FAM107B: variants seen among roughly 807,000 people sequenced by gnomAD.
FAM107B encodes family with sequence similarity 107 member B.
In FAM107B, 21 loss-of-function variants were observed where a neutral mutation model predicts 31.5. The observed-to-expected ratio is 0.67, with a 90% confidence interval of 0.47 to 0.96. The LOEUF (loss-of-function observed/expected upper bound fraction) is 0.96, where lower values mean the gene tolerates loss of function less well. Among genes scored for constraint, FAM107B ranks in the 40% least tolerant of loss-of-function variants. The probability of loss-of-function intolerance (pLI) is 0.00; values close to 1 mark genes in which losing one functional copy is unlikely to be tolerated. For synonymous variants in FAM107B, 157 were observed against 141.5 expected, an observed-to-expected ratio of 1.11 and a Z score of -0.78; for missense variants, 452 against 377.1, an observed-to-expected ratio of 1.20 and a Z score of -1.64.
At chr10:14,710,632 G>A (rs929283845) in intron 1 of FAM107B, among the ~76,000 whole-genome samples, 3 of 152,132 alleles carry the variant, frequency 2.0e-5, no homozygotes, top group Non-Finnish European at 4.4e-5. Flanking sequence ...ATTGCCTGGT[G>A]ACATCCTGAT....
chr10:14,667,255 C>G (rs1201696649), intron 2 of FAM107B, among the ~76,000 whole-genome samples: 6 of 152,046 alleles, frequency 3.9e-5, no homozygotes, highest in Non-Finnish European at 1.5e-5. Flanking sequence ...TAAAAAAAAC[C>G]CCAGCAAACT....
intron 1 of FAM107B, among the ~76,000 whole-genome samples, chr10:14,765,628 TC>T (rs1693049888): frequency 6.6e-6 from 1 of 152,202 alleles, no homozygotes; most frequent in Non-Finnish European, 1.5e-5. Context: ...GGAGGGACAG[TC>T]AGTAATTTTG....
intron 2 of FAM107B, among the ~76,000 whole-genome samples, chr10:14,539,806 T>G (rs1173574006): frequency 6.6e-6 from 1 of 152,134 alleles, no homozygotes; most frequent in African/African-American, 2.4e-5. Context: ...TTTCACCCAG[T>G]TGAAAGTCCT....
chr10:14,649,681 C>T (rs780977412), intron 2 of FAM107B, among the ~76,000 whole-genome samples: 5 of 152,172 alleles, frequency 3.3e-5, no homozygotes, highest in Non-Finnish European at 7.3e-5. Context: ...AACCAATGTA[C>T]ATCTTACCTG....
chr10:14,616,286 T>A (rs1852847945), intron 2 of FAM107B, among the ~76,000 whole-genome samples: 1 of 152,130 alleles, frequency 6.6e-6, no homozygotes, highest in Admixed American at 6.6e-5. Context: ...TGATTAGCAG[T>A]TCTATGGAGC....
At chr10:14,605,682 T>C (rs1852570345) in intron 2 of FAM107B, among the ~76,000 whole-genome samples, 1 of 152,174 alleles carries the variant, frequency 6.6e-6, no homozygotes, top group East Asian at 1.9e-4. Context: ...TTAAAGAAAC[T>C]CCTTCCCAGC....
chr10:14,689,980 A>C (rs1855089073), intron 1 of FAM107B, among the ~76,000 whole-genome samples: 1 of 147,392 alleles, frequency 6.8e-6, no homozygotes, highest in African/African-American at 2.5e-5. Flanking sequence ...AGAAAGAAAA[A>C]AAGAAGAAAG....
rs1241103048 is a variant in FAM107B at position 14,519,822 on chromosome 10, G to A, written c.*1368C>T. ...AATGACTGGCTGAACTGTCTCTACG[G>A]AGCATACTAAATCCTCAACAATTCT... On this transcript the variant is annotated 3_prime_UTR_variant, in exon 5 of 5. Coordinates refer to ENST00000181796, the MANE Select transcript of FAM107B (RefSeq NM_031453.4). The A allele has an allele frequency of 1.3e-5, 2 of 152,320 alleles. No homozygotes were observed. The highest frequency in any genetic ancestry group is 3.8e-4 in the East Asian group (2 of 5,200). 9.4% of individuals were successfully genotyped at this position (152,320 alleles called of 1,614,324 possible).
chr10:14,659,377 G>A (rs1260367818), intron 2 of FAM107B, among the ~76,000 whole-genome samples: 2 of 152,128 alleles, frequency 1.3e-5, no homozygotes, highest in African/African-American at 4.8e-5. Context: ...GGGGGCAGAG[G>A]TTGCAGTGAG....
intron 1 of FAM107B, among the ~76,000 whole-genome samples, chr10:14,683,940 G>A (rs897001030): frequency 3.9e-5 from 6 of 152,160 alleles, no homozygotes; most frequent in Admixed American, 2.6e-4. Context: ...AGAGAGAAGC[G>A]TGTCTTAGGC....
intron 1 of FAM107B, among the ~76,000 whole-genome samples, chr10:14,686,392 C>CAAAA (rs61066393): frequency 1.3e-4 from 16 of 125,762 alleles, no homozygotes; most frequent in African/African-American, 4.2e-4. Flanking sequence ...CTGCATGTCT[C>CAAAA]AAAAAAAAAA....
intron 1 of FAM107B, among the ~76,000 whole-genome samples, chr10:14,760,598 C>T (rs963355813): frequency 1.1e-4 from 17 of 149,704 alleles, no homozygotes; most frequent in African/African-American, 1.8e-4. Flanking sequence ...AAGAGATGTA[C>T]GTTTTTTCAC....
At chr10:14,527,586 T>C (rs1165892119) in intron 3 of FAM107B, among the ~76,000 whole-genome samples, 2 of 152,250 alleles carry the variant, frequency 1.3e-5, no homozygotes, top group Non-Finnish European at 2.9e-5. Flanking sequence ...CTTGAGATGA[T>C]TCCTTAAACC....
chr10:14,682,761 G>C (rs11259269), intron 1 of FAM107B, among the ~76,000 whole-genome samples: 5,123 of 152,072 alleles, frequency 0.034, 290 homozygotes, highest in African/African-American at 0.12. Flanking sequence ...AGCTAGGGGA[G>C]GGATAGCATT....
chr10:14,530,180 C>A (rs1846799591), intron 3 of FAM107B, 152 bp downstream of exon 3: 4 of 864,326 alleles, frequency 4.6e-6, no homozygotes, highest in African/African-American at 1.7e-5. Flanking sequence ...GGAGGGGTAA[C>A]CCGGTTCTAG....
chr10:14,767,772 G>A (rs1389111335), intron 1 of FAM107B, among the ~76,000 whole-genome samples: 2 of 152,168 alleles, frequency 1.3e-5, no homozygotes, highest in African/African-American at 4.8e-5. Flanking sequence ...AAACAAGGAT[G>A]CTTACTTTGC....
chr10:14,708,272 G>C lies in FAM107B; in HGVS notation c.412-40581C>G, dbSNP rs528509761. 4.6e-4 allele frequency among the ~76,000 whole-genome samples: 70 copies of C among 152,140 alleles called. No homozygotes were observed. The South Asian group carries it at 0.014, about 30-fold the overall frequency. On this transcript the variant is annotated intron_variant, in intron 1 of 4. Coordinates refer to ENST00000181796, the MANE Select transcript of FAM107B (RefSeq NM_031453.4). ...TTTTTTTAATTTTTATTAGAGATGG[G>C]GTTTTGCCATGTTAGCCAGGCTGGT...
intron 2 of FAM107B, among the ~76,000 whole-genome samples, chr10:14,566,423 C>T (rs746996692): frequency 5.9e-5 from 9 of 152,058 alleles, no homozygotes; most frequent in Non-Finnish European, 1.3e-4. Flanking sequence ...GAACTGCAGG[C>T]GACCCACGTC....
intron 2 of FAM107B, among the ~76,000 whole-genome samples, chr10:14,623,732 A>T (rs1376376948): frequency 6.6e-6 from 1 of 152,136 alleles, no homozygotes; most frequent in African/African-American, 2.4e-5. Context: ...AGGCTGAGGC[A>T]TGAGAATTGC....
Sources: gnomAD v4.1 joint callset for allele counts (sites outside exome capture counted in the v4.1 genomes callset) on GRCh38, gnomAD v4.1.1 for gene constraint, MANE v1.5 for transcripts, NCBI Gene and HGNC (gene_info 2026-07-23, HGNC 2026-07-21) for gene names.